Variants in SGCZ observed in about 807,000 individuals in gnomAD.
SGCZ encodes the protein sarcoglycan zeta, also known as zeta-sarcoglycan.
A neutral mutation model predicts 41.3 loss-of-function variants in SGCZ; 40 were observed. The observed-to-expected ratio is 0.97, with a 90% CI of 0.75 to 1.26. The LOEUF (loss-of-function observed/expected upper bound fraction) is 1.26, where lower values mean the gene tolerates loss of function less well. SGCZ is among the 50% of genes most tolerant of loss of function. SGCZ has a pLI of 0.00. For missense variants in SGCZ, 552 were observed against 369.8 expected, an observed-to-expected ratio of 1.49 and a Z score of -4.04; for synonymous variants, 206 against 137.5, an observed-to-expected ratio of 1.50 and a Z score of -3.49.
intron 1 of SGCZ, among the ~76,000 whole-genome samples, chr8:14,859,947 T>A (rs1208602918): frequency 2.6e-5 from 4 of 152,192 alleles, no homozygotes; most frequent in African/African-American, 9.6e-5. Context: ...GACTCAGATG[T>A]CTTGAATGAC....
chr8:14,275,038 C>T (rs958158431), intron 3 of SGCZ, among the ~76,000 whole-genome samples: 3 of 152,076 alleles, frequency 2.0e-5, no homozygotes, highest in Admixed American at 6.6e-5. Flanking sequence ...AATTTAATAT[C>T]AGACATCAGG....
chr8:14,527,647 C>G (rs764875586), intron 2 of SGCZ, among the ~76,000 whole-genome samples: 6 of 152,040 alleles, frequency 3.9e-5, no homozygotes, highest in Non-Finnish European at 8.8e-5. Context: ...ACTATTTAAG[C>G]TTAAATTTTA....
intron 3 of SGCZ, among the ~76,000 whole-genome samples, chr8:14,240,314 C>T (rs939443770): frequency 1.8e-4 from 20 of 108,152 alleles, no homozygotes; most frequent in African/African-American, 7.3e-4. Flanking sequence ...AGTGACAGAG[C>T]GAAACTCTGT....
At position 14,087,902 on chromosome 8, in the gene SGCZ, T is replaced by A. The variant is rs1322389936; in HGVS notation, c.*2541A>T. 6.6e-6 allele frequency among the ~76,000 whole-genome samples: 1 copy of A among 151,658 alleles called. No homozygotes were observed. The highest frequency in any genetic ancestry group is 2.4e-5 in the African/African-American group (1 of 41,380). On this transcript the variant is annotated 3_prime_UTR_variant, in exon 8 of 8. Coordinates refer to ENST00000382080, the MANE Select transcript of SGCZ (RefSeq NM_139167.4). ...GTGTTGAATAGGAAAGCCATCGCTATCACTATATTTTCTACTGTACTGAAC... is the reference window on the plus strand; with the variant it reads ...GTGTTGAATAGGAAAGCCATCGCTAACACTATATTTTCTACTGTACTGAAC...
chr8:14,412,074 T>C (rs1182197901), intron 2 of SGCZ, among the ~76,000 whole-genome samples: 2 of 152,088 alleles, frequency 1.3e-5, no homozygotes, highest in Non-Finnish European at 2.9e-5. Context: ...GACCTCAAAA[T>C]TGCCATTCAA....
chr8:14,808,974 G>T lies in SGCZ; in HGVS notation c.40-254048C>A, dbSNP rs555587621. 1.4e-4 allele frequency among the ~76,000 whole-genome samples: 21 copies of T among 150,834 alleles called. No individual in the cohort carries two copies. The South Asian group carries it at 4.0e-3, about 29-fold the overall frequency. ...AAATCATCATTCTCAGTAAACTATCGCAAGAACAAAAAACCAAACACCGCA... is the reference window on the plus strand; with the variant it reads ...AAATCATCATTCTCAGTAAACTATCTCAAGAACAAAAAACCAAACACCGCA... On this transcript the variant is annotated intron_variant, in intron 1 of 7. Transcript: ENST00000382080.
intron 1 of SGCZ, among the ~76,000 whole-genome samples, chr8:14,960,047 G>A (rs1585414213): frequency 6.6e-6 from 1 of 152,160 alleles, no homozygotes; most frequent in East Asian, 1.9e-4. Context: ...ACACAACTGT[G>A]AAGCAAAGAG....
At chr8:15,124,921 T>C (rs1807623533) in intron 1 of SGCZ, among the ~76,000 whole-genome samples, 1 of 152,186 alleles carries the variant, frequency 6.6e-6, no homozygotes, top group Non-Finnish European at 1.5e-5. Flanking sequence ...TTTTATTTCA[T>C]ATGATAATAC....
intron 1 of SGCZ, among the ~76,000 whole-genome samples, chr8:14,556,300 T>C (rs1804033355): frequency 6.6e-6 from 1 of 151,684 alleles, no homozygotes; most frequent in Admixed American, 6.6e-5. Context: ...CTAACATAAA[T>C]ACTTCTGAAT....
chr8:14,519,093 A>C (rs1011370699), intron 2 of SGCZ, among the ~76,000 whole-genome samples: 2 of 150,470 alleles, frequency 1.3e-5, no homozygotes, highest in African/African-American at 4.9e-5. Flanking sequence ...AAAGACAGAG[A>C]TATATAGTGC....
chr8:14,779,772 A>T (rs1255243255), intron 1 of SGCZ, among the ~76,000 whole-genome samples: 4 of 152,238 alleles, frequency 2.6e-5, no homozygotes, highest in Non-Finnish European at 5.9e-5. Flanking sequence ...GTAGCAGAGC[A>T]TATAAATAAA....
At chr8:14,949,969 G>T (rs1800578155) in intron 1 of SGCZ, among the ~76,000 whole-genome samples, 1 of 151,970 alleles carries the variant, frequency 6.6e-6, no homozygotes, top group Non-Finnish European at 1.5e-5. Context: ...TTCTTTAAGA[G>T]TAACCAATAA....
At chr8:14,160,029 C>G (rs1346063182) in intron 5 of SGCZ, among the ~76,000 whole-genome samples, 1 of 152,128 alleles carries the variant, frequency 6.6e-6, no homozygotes, top group African/African-American at 2.4e-5. Context: ...TCTTGGCTTT[C>G]AAACAAACGC....
intron 1 of SGCZ, among the ~76,000 whole-genome samples, chr8:14,572,227 A>G (rs553434158): frequency 3.9e-5 from 6 of 152,050 alleles, no homozygotes; most frequent in Non-Finnish European, 7.4e-5. Flanking sequence ...ATCTTTTTTT[A>G]TATTTCCAAA....
At chr8:14,098,021 C>G (rs756268611) in intron 7 of SGCZ, among the ~76,000 whole-genome samples, 1 of 152,108 alleles carries the variant, frequency 6.6e-6, no homozygotes, top group Non-Finnish European at 1.5e-5. Context: ...ACTTTCCCTG[C>G]TAAATACATC....
chr8:14,472,989 G>C (rs1801256094), intron 2 of SGCZ, among the ~76,000 whole-genome samples: 1 of 152,124 alleles, frequency 6.6e-6, no homozygotes, highest in African/African-American at 2.4e-5. Context: ...TGATGGTGAA[G>C]TGGTAATCCA....
chr8:14,584,430 T>A (rs1269289731), intron 1 of SGCZ, among the ~76,000 whole-genome samples: 1 of 152,076 alleles, frequency 6.6e-6, no homozygotes, highest in Non-Finnish European at 1.5e-5. Flanking sequence ...AAATGTATGA[T>A]AAATAATGCA....
intron 1 of SGCZ, among the ~76,000 whole-genome samples, chr8:14,603,172 C>T (rs1489861084): frequency 6.6e-6 from 1 of 152,074 alleles, no homozygotes; most frequent in Non-Finnish European, 1.5e-5. Context: ...AACCTTCGTT[C>T]TTGAAGACCA....
chr8:14,837,768 G>A (rs915372574), intron 1 of SGCZ, among the ~76,000 whole-genome samples: 7 of 151,968 alleles, frequency 4.6e-5, no homozygotes, highest in African/African-American at 9.7e-5. Context: ...TTAGATTTAC[G>A]TTTTTTAACT....
Sources: gnomAD v4.1 joint callset for allele counts (sites outside exome capture counted in the v4.1 genomes callset) on GRCh38, gnomAD v4.1.1 for gene constraint, MANE v1.5 for transcripts, NCBI Gene and HGNC (gene_info 2026-07-23, HGNC 2026-07-21) for gene names.